Variants in MYOM1 observed in about 807,000 individuals in gnomAD.
MYOM1 encodes myomesin-1.
MYOM1 carries 164 observed loss-of-function variants against 205.3 expected under a neutral mutation model. That is an observed-to-expected ratio of 0.80 (90% confidence interval 0.70 to 0.91). The LOEUF (loss-of-function observed/expected upper bound fraction) is 0.91, where lower values mean the gene tolerates loss of function less well. MYOM1 is among the 40% of genes least tolerant of loss of function. MYOM1 has a pLI of 0.00. For missense variants in MYOM1, 2,011 were observed against 2,127.3 expected (o/e 0.95, Z 1.08); for synonymous variants, 772 against 789.4 (o/e 0.98, Z 0.37).
upstream of MYOM1, among the ~76,000 whole-genome samples, chr18:3,222,584 C>T (rs116994610): frequency 4.6e-5 from 7 of 152,294 alleles, no homozygotes; most frequent in East Asian, 1.3e-3. Context: ...GTAGCCAGTA[C>T]ATTTTGACCT....
In MYOM1 at chr18:3,067,085, G is replaced by A. The variant is rs2078903272; in HGVS notation, c.*177C>T. On this transcript the variant is annotated 3_prime_UTR_variant, in exon 38 of 38. Coordinates refer to ENST00000356443, the MANE Select transcript of MYOM1 (RefSeq NM_003803.4). ...CTTAACACATAATTTTGTAGATAAA[G>A]AAAAACAATTAAAGTGTCATTAGTT... is the stretch of plus-strand genomic sequence containing the variant. 2 of 657,244 alleles carry A rather than the reference G, an allele frequency of 3.0e-6. No individual in the cohort carries two copies. Among genetic ancestry groups the A allele is most frequent in the Non-Finnish European group, 2.5e-6 (1 of 395,612 alleles). The allele number at this position is 657,244 out of a possible 1,614,324, so 40.7% of individuals were successfully genotyped here.
intron 5 of MYOM1, among the ~76,000 whole-genome samples, chr18:3,183,846 C>T (rs953253208): frequency 5.9e-5 from 9 of 151,946 alleles, no homozygotes; most frequent in African/African-American, 7.3e-5. Flanking sequence ...TTGAAGATTT[C>T]ATGCTCTGTA....
intron 14 of MYOM1, among the ~76,000 whole-genome samples, chr18:3,137,372 C>T (rs998731751): frequency 6.6e-6 from 1 of 152,182 alleles, no homozygotes; most frequent in Non-Finnish European, 1.5e-5. Flanking sequence ...TATCTGTACT[C>T]CCATGTTTAT....
the MYOM1 span, among the ~76,000 whole-genome samples, chr18:3,242,649 C>T: frequency 8.5e-5 from 13 of 152,116 alleles, no homozygotes; most frequent in Admixed American, 8.5e-4. Context: ...GCTGGAATTA[C>T]AGGCACGCAC....
At chr18:3,190,526 T>A (rs2080889522) in intron 3 of MYOM1, 2 of 152,158 alleles carry the variant, frequency 1.3e-5, no homozygotes, top group African/African-American at 4.8e-5. Context: ...AGTGAGTAAA[T>A]TTTAAGTTTT....
chr18:3,112,049 C>T (rs894717805), intron 22 of MYOM1, among the ~76,000 whole-genome samples: 6 of 152,156 alleles, frequency 3.9e-5, no homozygotes, highest in Non-Finnish European at 5.9e-5. Context: ...TTAACTTGAT[C>T]AAGAACTTCC....
chr18:3,241,330 AGCCTAGG>A, the MYOM1 span, among the ~76,000 whole-genome samples: 3 of 152,176 alleles, frequency 2.0e-5, no homozygotes, highest in African/African-American at 7.2e-5. Flanking sequence ...TGCTGCAGGC[AGCCTAGG>A]GACTTGGTGC....
At position 3,124,842 on chromosome 18, in the gene MYOM1, T is replaced by C. The variant is rs1245315865; in HGVS notation, c.2991+1859A>G. On this transcript the variant is annotated intron_variant, in intron 19 of 37. Transcript: ENST00000356443. ...TTCACCACAAAGGCACAAAAATCAC[T>C]AAGGACAAAGCATATGTTAGTAAAT... 3.9e-5 allele frequency among the ~76,000 whole-genome samples: 6 copies of C among 152,116 alleles called. No homozygotes were observed. In the South Asian group the frequency reaches 1.2e-3, roughly 31 times the overall value.
Position 3,189,086 on chromosome 18 carries a change from G to T in MYOM1, c.433C>A (p.Gln145Lys). The T allele has an allele frequency of 1.2e-6, 2 of 1,608,482 alleles. No homozygotes were observed. Among genetic ancestry groups the T allele is most frequent in the South Asian group, 1.1e-5 (1 of 90,788 alleles). The change falls in exon 4 of 38, where the codon CAA becomes AAA. Residue 145 changes from glutamine to lysine, a missense_variant and splice_region_variant. By Grantham distance (53) the Gln-to-Lys change is moderately conservative. Coordinates refer to ENST00000356443, the MANE Select transcript of MYOM1 (RefSeq NM_003803.4). This position sits in a 1 kb window ranked among gnomAD's most constrained non-coding sequence, Gnocchi z 4.8. Reference protein sequence around the residue: ...DYMVPIFSGRQKHVSGITDTE... With the variant: ...DYMVPIFSGRKKHVSGITDTE... Reference sequence around the variant, plus strand: ...TCAGTAATTCCACTGACATGCTTTTGACTAAAACACAACAATGGCAAAATG... The same window carrying T: ...TCAGTAATTCCACTGACATGCTTTTTACTAAAACACAACAATGGCAAAATG...
At chr18:3,240,743 G>A in the MYOM1 span, among the ~76,000 whole-genome samples, 2 of 152,350 alleles carry the variant, frequency 1.3e-5, no homozygotes, top group South Asian at 4.1e-4. Context: ...GGAGGGCTCA[G>A]AAGAAGAGAG....
At chr18:3,208,285 G>A (rs889824575) in intron 2 of MYOM1, among the ~76,000 whole-genome samples, 3 of 152,190 alleles carry the variant, frequency 2.0e-5, no homozygotes, top group Non-Finnish European at 4.4e-5. Flanking sequence ...CAAGGTGGGT[G>A]GATTGTCCGA....
At chr18:3,205,021 G>A (rs539887417) in intron 2 of MYOM1, among the ~76,000 whole-genome samples, 3 of 152,158 alleles carry the variant, frequency 2.0e-5, no homozygotes, top group Admixed American at 1.3e-4. Context: ...AAACCCATAT[G>A]TGAAAGGACG....
intron 33 of MYOM1, among the ~76,000 whole-genome samples, chr18:3,082,763 T>G (rs971518400): frequency 6.6e-6 from 1 of 152,192 alleles, no homozygotes; most frequent in Non-Finnish European, 1.5e-5. Context: ...ATTTGGAAAC[T>G]GATTTCAGCT....
chr18:3,239,935 G>A, the MYOM1 span, among the ~76,000 whole-genome samples: 61 of 152,156 alleles, frequency 4.0e-4, no homozygotes, highest in South Asian at 1.9e-3. Context: ...ATTAGTCAGA[G>A]TAGTAAATTT....
the MYOM1 span, among the ~76,000 whole-genome samples, chr18:3,242,104 CTT>C: frequency 3.3e-5 from 5 of 152,134 alleles, no homozygotes; most frequent in African/African-American, 1.2e-4. Flanking sequence ...GGACTGTGGA[CTT>C]CTGAGTTAAT....
rs2081309290 is a variant in MYOM1, at chr18:3,219,682, A to T, written c.-29+121T>A. 6.6e-6 allele frequency: 1 copy of T among 152,136 alleles called. No individual in the cohort carries two copies. The highest frequency in any genetic ancestry group is 2.4e-5 in the African/African-American group (1 of 41,418). 9.4% of individuals were successfully genotyped at this position (152,136 alleles called of 1,614,324 possible). ...AGCTTCACTTTCCTATTTCTCTGTT[A>T]TTCTGACATCTCTTTGAGAAAACTG... On this transcript the variant is annotated intron_variant, in intron 1 of 37. Transcript: ENST00000356443. This position sits in a 1 kb window ranked among gnomAD's most constrained non-coding sequence, Gnocchi z 4.4.
At chr18:3,159,604 G>A (rs775269501) in intron 10 of MYOM1, among the ~76,000 whole-genome samples, 5 of 152,016 alleles carry the variant, frequency 3.3e-5, no homozygotes, top group Admixed American at 1.3e-4. Flanking sequence ...GTCCATCAGC[G>A]GGTGAACGTA....
intron 25 of MYOM1, 111 bp from the exon 26 acceptor site, chr18:3,094,417 T>G: frequency 8.9e-7 from 1 of 1,118,290 alleles, no homozygotes; most frequent in South Asian, 1.7e-5. Context: ...AATGACAATG[T>G]AGCACCTGCT....
intron 14 of MYOM1, among the ~76,000 whole-genome samples, chr18:3,136,332 T>C (rs1416005357): frequency 6.6e-6 from 1 of 152,232 alleles, no homozygotes; most frequent in East Asian, 1.9e-4. Flanking sequence ...TCTTCCTTTG[T>C]TAACTAAATA....
Sources: allele counts gnomAD v4.1 joint callset (sites outside exome capture counted in the v4.1 genomes callset), GRCh38; gene constraint gnomAD v4.1.1; non-coding constraint Gnocchi (gnomAD v3.1); transcripts MANE v1.5; gene names NCBI Gene and HGNC (gene_info 2026-07-23, HGNC 2026-07-21).